The following UNC5D variants were observed in gnomAD, a reference collection of about 807,000 sequenced individuals.
UNC5D encodes unc-5 netrin receptor D.
A neutral mutation model predicts 105.4 loss-of-function variants in UNC5D; 39 were observed. The ratio of observed to expected loss-of-function variants is 0.37; its 90% CI spans 0.29 to 0.48. The LOEUF is 0.48. Ranked by LOEUF, UNC5D falls within the 20% of genes least tolerant of loss-of-function variation. UNC5D has a pLI of 0.98. For missense variants in UNC5D, 991 were observed against 1,202.4 expected, an observed-to-expected ratio of 0.82 and a Z score of 2.60; for synonymous variants, 452 against 450.4, an observed-to-expected ratio of 1.00 and a Z score of -0.04.
intron 1 of UNC5D, among the ~76,000 whole-genome samples, chr8:35,281,289 T>C (rs1264188966): frequency 6.6e-6 from 1 of 152,224 alleles, no homozygotes; most frequent in Non-Finnish European, 1.5e-5. Context: ...GACATTTTGA[T>C]GACTGTCTGC....
intron 1 of UNC5D, among the ~76,000 whole-genome samples, chr8:35,267,241 C>T (rs531896140): frequency 1.3e-5 from 2 of 152,092 alleles, no homozygotes; most frequent in Admixed American, 6.5e-5. Flanking sequence ...AATAAGAAAC[C>T]ACCCTACATG....
chr8:35,631,313 C>CA (rs34641053), intron 4 of UNC5D, among the ~76,000 whole-genome samples: 125,090 of 145,706 alleles, frequency 0.86, 53,575 homozygotes, highest in East Asian at 0.95. Context: ...GACCCTGTCT[C>CA]AAAAAAAAAA....
chr8:35,434,221 G>A (rs191833073), intron 1 of UNC5D, among the ~76,000 whole-genome samples: 46 of 152,084 alleles, frequency 3.0e-4, no homozygotes, highest in African/African-American at 1.1e-3. Context: ...TGGATTTTAC[G>A]TATCAGCTCA....
intron 1 of UNC5D, among the ~76,000 whole-genome samples, chr8:35,264,526 G>A (rs1017918682): frequency 4.6e-5 from 7 of 152,018 alleles, no homozygotes; most frequent in African/African-American, 1.4e-4. Flanking sequence ...CCAGGAGTTC[G>A]AGACCAACCT....
chr8:35,412,452 T>G (rs2128959095), intron 1 of UNC5D, among the ~76,000 whole-genome samples: 1 of 151,790 alleles, frequency 6.6e-6, no homozygotes, highest in Admixed American at 6.6e-5. Context: ...GCCCCTTGCT[T>G]TTTGTATGTT....
intron 1 of UNC5D, among the ~76,000 whole-genome samples, chr8:35,260,526 A>G (rs1019373171): frequency 2.6e-5 from 4 of 152,172 alleles, no homozygotes; most frequent in African/African-American, 9.7e-5. Flanking sequence ...GCTGGAGTGC[A>G]GTGGCATGAT....
chr8:35,612,723 CTTTTTTTTT>C (rs57450378), intron 4 of UNC5D, among the ~76,000 whole-genome samples: 1 of 64,742 alleles, frequency 1.5e-5, no homozygotes, highest in African/African-American at 7.1e-5. Flanking sequence ...AATGTTTTGC[CTTTTTTTTT>C]TTTTTTTTTT....
At chr8:35,350,004 T>G (rs1812091157) in intron 1 of UNC5D, among the ~76,000 whole-genome samples, 1 of 152,114 alleles carries the variant, frequency 6.6e-6, no homozygotes, top group South Asian at 2.1e-4. Context: ...ATCAGTGTAG[T>G]GAAAACAGCA....
intron 1 of UNC5D, among the ~76,000 whole-genome samples, chr8:35,510,881 A>C (rs1812657237): frequency 6.6e-6 from 1 of 152,212 alleles, no homozygotes; most frequent in African/African-American, 2.4e-5. Flanking sequence ...GTCACACCTA[A>C]ATTATTAATT....
intron 2 of UNC5D, among the ~76,000 whole-genome samples, chr8:35,558,041 G>A (rs59103063): frequency 6.7e-6 from 1 of 150,012 alleles, no homozygotes; most frequent in Non-Finnish European, 1.5e-5. Flanking sequence ...CAGGAGAATC[G>A]CTTGAACCTG....
Position 35,327,737 on chromosome 8 carries a change from C to T in UNC5D, c.103+91850C>T, listed in dbSNP as rs184948225. Among the ~76,000 whole-genome samples, 291 of 152,336 alleles carry T rather than the reference C, an allele frequency of 1.9e-3. 2 individuals carry two copies. Among genetic ancestry groups the T allele is most frequent in the Middle Eastern group, 6.8e-3 (2 of 294 alleles). ...TGTAGAGCTGTGACTCTCTTCCAAT[C>T]CAGGATGATGGATTGAAGGTGACAG... On this transcript the variant is annotated intron_variant, in intron 1 of 16. Coordinates refer to ENST00000404895, the MANE Select transcript of UNC5D (RefSeq NM_080872.4).
intron 1 of UNC5D, among the ~76,000 whole-genome samples, chr8:35,538,397 A>ATT (rs1301792927): frequency 2.1e-5 from 1 of 47,018 alleles, no homozygotes; most frequent in Non-Finnish European, 5.3e-5. Flanking sequence ...AAAAATAATT[A>ATT]TATATATATA....
chr8:35,649,507 G>A (rs1823275458), intron 4 of UNC5D, among the ~76,000 whole-genome samples: 1 of 152,166 alleles, frequency 6.6e-6, no homozygotes, highest in African/African-American at 2.4e-5. Context: ...GGACTCTAAC[G>A]ATTAATTTGA....
intron 1 of UNC5D, among the ~76,000 whole-genome samples, chr8:35,238,231 C>T (rs1393399670): frequency 1.3e-5 from 2 of 152,092 alleles, no homozygotes; most frequent in East Asian, 3.9e-4. Flanking sequence ...AAAATGATTG[C>T]ACCAACTTTT....
chr8:35,779,089 A>G (rs1802387947), intron 16 of UNC5D, among the ~76,000 whole-genome samples: 1 of 152,214 alleles, frequency 6.6e-6, no homozygotes, highest in African/African-American at 2.4e-5. Flanking sequence ...CAGAGTTCAT[A>G]CTTGCTGCAT....
At chr8:35,781,740 G>C (rs2131775797) in intron 16 of UNC5D, among the ~76,000 whole-genome samples, 1 of 152,250 alleles carries the variant, frequency 6.6e-6, no homozygotes, top group South Asian at 2.1e-4. Flanking sequence ...TTGAGAAACT[G>C]TCATAGGCTT....
chr8:35,526,026 T>C (rs1475950403), intron 1 of UNC5D, among the ~76,000 whole-genome samples: 1 of 152,214 alleles, frequency 6.6e-6, no homozygotes, highest in Non-Finnish European at 1.5e-5. Flanking sequence ...TGCGATTCAC[T>C]GCAGTGTGAC....
chr8:35,542,458 C>T (rs1815347401), intron 1 of UNC5D, among the ~76,000 whole-genome samples: 1 of 152,164 alleles, frequency 6.6e-6, no homozygotes, highest in African/African-American at 2.4e-5. Context: ...AGAGCTAATT[C>T]TAAGGAGCAT....
intron 1 of UNC5D, among the ~76,000 whole-genome samples, chr8:35,518,358 T>G (rs1309244642): frequency 2.0e-5 from 3 of 152,192 alleles, no homozygotes; most frequent in African/African-American, 7.2e-5. Flanking sequence ...CATACTTCTA[T>G]GTACTTGTAA....
Sources: allele counts gnomAD v4.1 joint callset (sites outside exome capture counted in the v4.1 genomes callset), GRCh38; gene constraint gnomAD v4.1.1; transcripts MANE v1.5; gene names NCBI Gene and HGNC (gene_info 2026-07-23, HGNC 2026-07-21).